HEMK2: variants seen among roughly 807,000 people sequenced by gnomAD.
HEMK2 encodes the protein HemK methyltransferase 2, ETF1 glutamine and histone H4 lysine, also known as methyltransferase HEMK2.
chr21:28,629,393 C>T, the HEMK2 span, among the ~76,000 whole-genome samples: 3 of 152,146 alleles, frequency 2.0e-5, no homozygotes, highest in Admixed American at 6.6e-5. Flanking sequence ...ACCTCGACAT[C>T]GAGCAGATAT....
chr21:28,665,801 G>A, the HEMK2 span, among the ~76,000 whole-genome samples: 2 of 151,976 alleles, frequency 1.3e-5, no homozygotes, highest in African/African-American at 2.4e-5. Flanking sequence ...GTTTATTGCG[G>A]CACTATTCAC....
chr21:28,801,797 G>A, the HEMK2 span, among the ~76,000 whole-genome samples: 1 of 152,094 alleles, frequency 6.6e-6, no homozygotes, highest in Non-Finnish European at 1.5e-5. Flanking sequence ...ACATACGAGA[G>A]AATGTTCAAT....
the HEMK2 span, among the ~76,000 whole-genome samples, chr21:28,811,700 T>C: frequency 6.6e-6 from 1 of 152,206 alleles, no homozygotes; most frequent in Non-Finnish European, 1.5e-5. Context: ...TGAATATTCA[T>C]GTGTCTGACT....
chr21:28,764,443 G>A, the HEMK2 span, among the ~76,000 whole-genome samples: 1 of 151,912 alleles, frequency 6.6e-6, no homozygotes, highest in African/African-American at 2.4e-5. Context: ...TAACAAGAAC[G>A]CCCCTTATAA....
chr21:28,647,825 A>T, the HEMK2 span, among the ~76,000 whole-genome samples: 1 of 152,196 alleles, frequency 6.6e-6, no homozygotes, highest in African/African-American at 2.4e-5. Context: ...CTTGGGATGC[A>T]CTGAGTAGTG....
At chr21:28,819,310 C>T in the HEMK2 span, among the ~76,000 whole-genome samples, 1 of 149,162 alleles carries the variant, frequency 6.7e-6, no homozygotes. Context: ...AAAAAAAGGC[C>T]CTGGTCATTT....
chr21:28,625,548 C>T, the HEMK2 span, among the ~76,000 whole-genome samples: 32 of 152,000 alleles, frequency 2.1e-4, no homozygotes, highest in African/African-American at 7.0e-4. Flanking sequence ...GGTGAAACCC[C>T]GTCTGTACTA....
At chr21:28,834,324 C>T in the HEMK2 span, among the ~76,000 whole-genome samples, 1 of 152,350 alleles carries the variant, frequency 6.6e-6, no homozygotes, top group Non-Finnish European at 1.5e-5. Context: ...CCCCCCAAAA[C>T]TGTGAGTGCC....
At chr21:28,686,837 C>T in the HEMK2 span, among the ~76,000 whole-genome samples, 10 of 152,256 alleles carry the variant, frequency 6.6e-5, no homozygotes, top group African/African-American at 2.2e-4. Flanking sequence ...GTCAGGCCTT[C>T]GTGCATTTTT....
the HEMK2 span, among the ~76,000 whole-genome samples, chr21:28,747,041 G>C: frequency 2.0e-5 from 3 of 152,208 alleles, no homozygotes; most frequent in Non-Finnish European, 2.9e-5. Flanking sequence ...GCAATATAGA[G>C]GCTCAAGAGA....
chr21:28,869,189 A>G, the HEMK2 span, among the ~76,000 whole-genome samples: 10 of 152,198 alleles, frequency 6.6e-5, no homozygotes, highest in African/African-American at 1.7e-4. Flanking sequence ...TTGAATTTCA[A>G]CAAACGTATA....
chr21:28,842,237 T>C, the HEMK2 span, among the ~76,000 whole-genome samples: 1 of 152,142 alleles, frequency 6.6e-6, no homozygotes, highest in East Asian at 1.9e-4. Context: ...CATTATTATA[T>C]ATTACATTAT....
At chr21:28,729,143 T>C in the HEMK2 span, among the ~76,000 whole-genome samples, 1 of 152,240 alleles carries the variant, frequency 6.6e-6, no homozygotes, top group Non-Finnish European at 1.5e-5. Flanking sequence ...TCTAGGTTTC[T>C]CTGTCTCTAC....
the HEMK2 span, among the ~76,000 whole-genome samples, chr21:28,793,586 T>C: frequency 6.6e-6 from 1 of 152,206 alleles, no homozygotes; most frequent in Non-Finnish European, 1.5e-5. Flanking sequence ...GATAAAACCT[T>C]AGAGGATGCT....
At chr21:28,712,571 G>C in the HEMK2 span, among the ~76,000 whole-genome samples, 2 of 152,204 alleles carry the variant, frequency 1.3e-5, no homozygotes, top group African/African-American at 4.8e-5. Flanking sequence ...GAAGTGTTTA[G>C]AGGACATCCC....
At chr21:28,735,902 C>T in the HEMK2 span, among the ~76,000 whole-genome samples, 1 of 152,222 alleles carries the variant, frequency 6.6e-6, no homozygotes, top group African/African-American at 2.4e-5. Context: ...AAGGAGATTA[C>T]ACAAGAGTAA....
the HEMK2 span, among the ~76,000 whole-genome samples, chr21:28,659,325 T>C: frequency 6.6e-5 from 10 of 152,142 alleles, no homozygotes; most frequent in Admixed American, 1.3e-4. Flanking sequence ...CTAATTAACC[T>C]GTTAGAGCAT....
the HEMK2 span, among the ~76,000 whole-genome samples, chr21:28,867,826 T>G: frequency 6.6e-6 from 1 of 152,218 alleles, no homozygotes; most frequent in Non-Finnish European, 1.5e-5. Context: ...TTTATCAGTC[T>G]TTTAGGGTCT....
At chr21:28,742,500 G>A in the HEMK2 span, among the ~76,000 whole-genome samples, 2 of 152,108 alleles carry the variant, frequency 1.3e-5, no homozygotes, top group African/African-American at 4.8e-5. Flanking sequence ...ACCAAGTGCT[G>A]GTAGCTAGAA....
Sources: gnomAD v4.1 joint callset for allele counts (sites outside exome capture counted in the v4.1 genomes callset) on GRCh38, gnomAD v4.1.1 for gene constraint, MANE v1.5 for transcripts, NCBI Gene and HGNC (gene_info 2026-07-23, HGNC 2026-07-21) for gene names.